Variants in RICTOR observed in about 807,000 individuals in gnomAD.
The protein encoded by RICTOR is rapamycin-insensitive companion of mTOR.
A neutral mutation model predicts 214.9 loss-of-function variants in RICTOR; 49 were observed. The observed-to-expected ratio is 0.23, with a 90% CI of 0.18 to 0.29. The LOEUF is 0.29. Ranked by LOEUF, RICTOR falls within the 10% of genes least tolerant of loss-of-function variation. RICTOR has a pLI of 1.00. For missense variants in RICTOR, 1,625 were observed against 2,047.0 expected (o/e 0.79, Z 3.98); for synonymous variants, 717 against 711.3 (o/e 1.01, Z -0.13).
rs150265077 is a variant in RICTOR at position 38,988,562 on chromosome 5, C to T, written c.583+2387G>A. Among the ~76,000 whole-genome samples, 717 of 152,190 alleles carry T rather than the reference C, an allele frequency of 4.7e-3. 11 individuals carry two copies. Among genetic ancestry groups the T allele is most frequent in the African/African-American group, 0.017 (691 of 41,536 alleles). The stretch of plus-strand genomic sequence containing the variant: ...TTGCTTGGTAAATATTCCCCCATCC[C>T]TTTATTTTGAGCTTATGTGTGTCTT... On this transcript the variant is annotated intron_variant, in intron 7 of 37. Coordinates refer to ENST00000357387, the MANE Select transcript of RICTOR (RefSeq NM_152756.5).
intron 2 of RICTOR, among the ~76,000 whole-genome samples, chr5:39,034,366 C>T (rs1168619895): frequency 6.6e-6 from 1 of 152,204 alleles, no homozygotes; most frequent in Non-Finnish European, 1.5e-5. Flanking sequence ...GGAATGGCTC[C>T]AGTCTACAGC....
intron 2 of RICTOR, among the ~76,000 whole-genome samples, chr5:39,034,700 A>G (rs923901741): frequency 6.6e-6 from 1 of 152,222 alleles, no homozygotes; most frequent in Non-Finnish European, 1.5e-5. Context: ...TCCTACGCCC[A>G]CAGAGCCTCA....
At position 38,984,027 on chromosome 5, in the gene RICTOR, A is replaced by G. The variant is rs900419816; in HGVS notation, c.584-1991T>C. 4.2e-5 allele frequency among the ~76,000 whole-genome samples: 6 copies of G among 144,568 alleles called. No homozygotes were observed. In the East Asian group the frequency reaches 1.2e-3, roughly 30 times the overall value. The allele number at this position is 144,568 out of a possible 152,430, so 94.8% of individuals were successfully genotyped here. A position where few individuals can be genotyped will look rare whatever the true frequency, so the allele number is the denominator to read the frequency against. ...GTATCTTTTTAATGCTCTAAATCAG[A>G]TAACACTACGTAAGAATTACCTGTT... On this transcript the variant is annotated intron_variant, in intron 7 of 37. Coordinates refer to ENST00000357387, the MANE Select transcript of RICTOR (RefSeq NM_152756.5).
At chr5:39,067,127 A>C (rs948184983) in intron 2 of RICTOR, among the ~76,000 whole-genome samples, 5 of 152,130 alleles carry the variant, frequency 3.3e-5, no homozygotes, top group Non-Finnish European at 7.3e-5. Flanking sequence ...GAAGCATCTG[A>C]GCCTGGGTAA....
At chr5:38,987,513 T>A (rs989989995) in intron 7 of RICTOR, among the ~76,000 whole-genome samples, 1 of 152,206 alleles carries the variant, frequency 6.6e-6, no homozygotes, top group Non-Finnish European at 1.5e-5. Flanking sequence ...GTGTTTATAG[T>A]ATTCTCTTAT....
intron 30 of RICTOR, 35 bp downstream of exon 30, chr5:38,952,161 T>A: frequency 8.3e-7 from 1 of 1,206,720 alleles, no homozygotes; most frequent in East Asian, 2.4e-5. Flanking sequence ...ATGTTAACAT[T>A]GGCTAACTTT....
At chr5:38,946,594 T>C (rs1748230895) in intron 32 of RICTOR, 42 bp from the exon 33 acceptor site, 2 of 1,218,590 alleles carry the variant, frequency 1.6e-6, no homozygotes, top group Admixed American at 3.5e-5. Context: ...GCTATAAAAA[T>C]AAGCCCACTT....
chr5:39,043,205 A>G (rs1007614817), intron 2 of RICTOR, among the ~76,000 whole-genome samples: 4 of 152,230 alleles, frequency 2.6e-5, no homozygotes, highest in Non-Finnish European at 4.4e-5. Context: ...TTGCACCACT[A>G]TTCATAATAG....
intron 2 of RICTOR, among the ~76,000 whole-genome samples, chr5:39,032,585 G>A (rs1756350499): frequency 6.6e-6 from 1 of 152,088 alleles, no homozygotes. Context: ...GAATTTGTAA[G>A]AGAACTGAGG....
chr5:38,996,832 C>A lies in RICTOR; in HGVS notation c.443G>T (p.Arg148Leu). 6.2e-7 allele frequency: 1 copy of A among 1,609,208 alleles called. No homozygotes were observed. The highest frequency in any genetic ancestry group is 8.5e-7 in the Non-Finnish European group (1 of 1,176,012). Residue 148 changes from arginine to leucine, a missense_variant, in exon 6 of 38, where the codon CGA (arginine) becomes CTA (leucine). This residue lies in a region of RICTOR where 258 missense variants were observed against 393.7 expected (regional missense o/e 0.66). Coordinates refer to ENST00000357387, the MANE Select transcript of RICTOR (RefSeq NM_152756.5). ...CATAGAGCATACCTTTCTGACTAAT[C>A]GAAGTGCTTGTGTCCTCTCTACCTC... is the stretch of plus-strand genomic sequence containing the variant. Reference protein sequence around the residue: ...SNEVERTQALRLVRKMITVNA... With the variant: ...SNEVERTQALLLVRKMITVNA...
chr5:38,965,409 C>T (rs1750133995), intron 15 of RICTOR, among the ~76,000 whole-genome samples: 1 of 151,918 alleles, frequency 6.6e-6, no homozygotes, highest in African/African-American at 2.4e-5. Flanking sequence ...AACCAGCTAT[C>T]AATGAAGACA....
Position 38,975,616 on chromosome 5 carries a change from G to C in RICTOR, c.822-12C>G. 1 of 1,609,888 alleles carries C rather than the reference G, an allele frequency of 6.2e-7. No individual in the cohort carries two copies. The highest frequency in any genetic ancestry group is 8.5e-7 in the Non-Finnish European group (1 of 1,176,434). On this transcript the variant is annotated splice_polypyrimidine_tract_variant and intron_variant, in intron 9 of 37. Transcript: ENST00000357387. ...CTTCTCTGTCTTCTCTGTTGGGGGTGGGGAGGCAGCGGGGAGAATCAATGA... is the reference window on the plus strand; with the variant it reads ...CTTCTCTGTCTTCTCTGTTGGGGGTCGGGAGGCAGCGGGGAGAATCAATGA...
intron 2 of RICTOR, among the ~76,000 whole-genome samples, chr5:39,043,032 T>C (rs1422879187): frequency 6.6e-6 from 1 of 152,114 alleles, no homozygotes; most frequent in Non-Finnish European, 1.5e-5. Context: ...TATTAGTAAG[T>C]ACAGCCATTA....
rs778087505 is a variant in RICTOR, at chr5:38,968,072, C to T, written c.973-42G>A. The stretch of plus-strand genomic sequence containing the variant: ...ATACACCTCATTTATTTTTATGAAA[C>T]ACTTTTAAGATTTTTAAATGTCCTA... On this transcript the variant is annotated intron_variant, in intron 11 of 37. Transcript: ENST00000357387. 2.7e-6 allele frequency: 3 copies of T among 1,131,424 alleles called. No homozygotes were observed. The East Asian group carries it at 7.1e-5, about 27-fold the overall frequency. 70.1% of individuals were successfully genotyped at this position (1,131,424 alleles called of 1,614,324 possible).
chr5:38,950,872 ATCTT>A lies in RICTOR; in HGVS notation c.3128-156_3128-153del, dbSNP rs1341847687. ...TTAAACCATTCAGCTACTTGAAAAT[ATCTT>A]TCTTGAAACCCAGAGTTTGGACTTG... On this transcript the variant is annotated intron_variant, in intron 30 of 37. Transcript: ENST00000357387. The A allele has an allele frequency of 9.6e-6, 5 of 519,470 alleles. No individual in the cohort carries two copies. In the African/African-American group the frequency reaches 1.0e-4, roughly 10 times the overall value. 32.2% of individuals were successfully genotyped at this position (519,470 alleles called of 1,614,324 possible). A position where few individuals can be genotyped will look rare whatever the true frequency, so the allele number is the denominator to read the frequency against.
At chr5:39,055,101 T>C (rs1041685902) in intron 2 of RICTOR, among the ~76,000 whole-genome samples, 2 of 152,172 alleles carry the variant, frequency 1.3e-5, no homozygotes. Context: ...CTACAGTCTA[T>C]TGTCCAAGGG....
chr5:38,958,321 T>C (rs771656175), intron 24 of RICTOR, 122 bp downstream of exon 24: 1 of 647,952 alleles, frequency 1.5e-6, no homozygotes, highest in East Asian at 2.7e-5. Context: ...GAAAAGACAA[T>C]GTTTCAATAT....
chr5:38,952,563 A>C, intron 29 of RICTOR, 138 bp from the exon 30 acceptor site: 4 of 571,566 alleles, frequency 7.0e-6, no homozygotes, highest in Non-Finnish European at 3.0e-6. Flanking sequence ...GAAAAAAAAA[A>C]ACTTATTAAG....
chr5:39,049,003 T>C lies in RICTOR; in HGVS notation c.97+25108A>G, dbSNP rs938870180. ...TGTAAACAAAACAAACAAGAGAGAC[T>C]CTGCTGAGACTCTGAAGCCACCACA... On this transcript the variant is annotated intron_variant, in intron 2 of 37. Coordinates refer to ENST00000357387, the MANE Select transcript of RICTOR (RefSeq NM_152756.5). 3.3e-5 allele frequency among the ~76,000 whole-genome samples: 5 copies of C among 152,066 alleles called. 1 individual carries two copies. Among genetic ancestry groups the C allele is most frequent in the Admixed American group, 3.3e-4 (5 of 15,276 alleles).
Sources: gnomAD v4.1 joint callset for allele counts (sites outside exome capture counted in the v4.1 genomes callset) on GRCh38, gnomAD v4.1.1 for gene constraint, gnomAD v4.1.1 regional missense constraint, MANE v1.5 for transcripts, NCBI Gene and HGNC (gene_info 2026-07-23, HGNC 2026-07-21) for gene names.